STRN3: variants seen among roughly 807,000 people sequenced by gnomAD.
The protein encoded by STRN3 is striatin-3.
Under a neutral mutation model 95.6 loss-of-function variants are expected in STRN3, and 29 were observed. The observed-to-expected ratio is 0.30, with a 90% CI of 0.23 to 0.41. The LOEUF (loss-of-function observed/expected upper bound fraction) is 0.41. Among genes scored for constraint, STRN3 ranks in the 10% least tolerant of loss-of-function variants. The pLI is 1.00. For synonymous variants in STRN3, 331 were observed against 357.6 expected (o/e 0.93, Z 0.84); for missense variants, 890 against 972.1 (o/e 0.92, Z 1.12).
At chr14:30,946,203 C>T (rs1036043474) in intron 5 of STRN3, among the ~76,000 whole-genome samples, 1 of 152,154 alleles carries the variant, frequency 6.6e-6, no homozygotes. Flanking sequence ...AAATCAGTCT[C>T]AAATCTGATT....
At chr14:30,905,954 C>T (rs939051801) in intron 14 of STRN3, among the ~76,000 whole-genome samples, 1 of 152,184 alleles carries the variant, frequency 6.6e-6, no homozygotes, top group African/African-American at 2.4e-5. Flanking sequence ...GAGACTGGTT[C>T]ACCTATCAGA....
At chr14:30,953,276 CA>C (rs1879742261) in intron 3 of STRN3, among the ~76,000 whole-genome samples, 2 of 152,112 alleles carry the variant, frequency 1.3e-5, no homozygotes, top group Non-Finnish European at 2.9e-5. Flanking sequence ...TCAGCATCCC[CA>C]AAAGCCTTTC....
At chr14:30,938,668 C>A (rs1259103631) in intron 5 of STRN3, among the ~76,000 whole-genome samples, 1 of 151,474 alleles carries the variant, frequency 6.6e-6, no homozygotes, top group Non-Finnish European at 1.5e-5. Context: ...TGAAAGACAC[C>A]AAGAGAATGT....
At chr14:31,001,041 G>C (rs534177042) in intron 1 of STRN3, among the ~76,000 whole-genome samples, 8 of 152,326 alleles carry the variant, frequency 5.3e-5, no homozygotes, top group East Asian at 1.9e-4. Context: ...TGAGGCAGAG[G>C]GGGTAGGGCT....
At chr14:30,919,797 T>G (rs560743967) in intron 8 of STRN3, among the ~76,000 whole-genome samples, 1 of 152,288 alleles carries the variant, frequency 6.6e-6, no homozygotes, top group East Asian at 1.9e-4. Context: ...GGGAAGAATT[T>G]TGGCTGTTGC....
At position 30,913,790 on chromosome 14, in the gene STRN3, C is replaced by A; in HGVS notation, c.1241-133G>T. 7 of 1,120,530 alleles carry A rather than the reference C, an allele frequency of 6.2e-6. No homozygotes were observed. The South Asian group carries it at 9.9e-5, about 16-fold the overall frequency. The allele number at this position is 1,120,530 out of a possible 1,614,324, so 69.4% of individuals were successfully genotyped here. Reference sequence around the variant, plus strand: ...TAATTTTTATTTTCCCACTTCTACTCAAAAAATCCTGTTACTAAGCAGTGT... The same window carrying A: ...TAATTTTTATTTTCCCACTTCTACTAAAAAAATCCTGTTACTAAGCAGTGT... On this transcript the variant is annotated intron_variant, in intron 9 of 17. Transcript: ENST00000357479.
chr14:31,008,170 AAC>A (rs758474734), intron 1 of STRN3, among the ~76,000 whole-genome samples: 4 of 151,166 alleles, frequency 2.6e-5, no homozygotes, highest in Admixed American at 6.6e-5. Flanking sequence ...TAGCCTAGGC[AAC>A]AGAGTGAGAC....
intron 1 of STRN3, among the ~76,000 whole-genome samples, chr14:30,985,723 A>T (rs1881657134): frequency 6.6e-6 from 1 of 151,842 alleles, no homozygotes; most frequent in Non-Finnish European, 1.5e-5. Context: ...ATGATGATCC[A>T]TGTTTGACTT....
At chr14:31,021,938 CAG>C (rs1238146562) in intron 1 of STRN3, among the ~76,000 whole-genome samples, 1 of 152,068 alleles carries the variant, frequency 6.6e-6, no homozygotes, top group East Asian at 1.9e-4. Flanking sequence ...CAAAAAGAAA[CAG>C]GGAATCTGAC....
chr14:31,001,405 G>T (rs974540338), intron 1 of STRN3, among the ~76,000 whole-genome samples: 1 of 151,928 alleles, frequency 6.6e-6, no homozygotes, highest in African/African-American at 2.4e-5. Flanking sequence ...GCATGGTGAT[G>T]TGCGCCTGCA....
chr14:30,969,801 T>C (rs1880732854), intron 1 of STRN3, among the ~76,000 whole-genome samples: 1 of 152,160 alleles, frequency 6.6e-6, no homozygotes, highest in African/African-American at 2.4e-5. Context: ...AAAAGTCTTT[T>C]AGCACAGGTA....
intron 1 of STRN3, among the ~76,000 whole-genome samples, chr14:31,010,085 T>C (rs179715): frequency 0.67 from 102,462 of 152,056 alleles, 35,461 homozygotes; most frequent in Non-Finnish European, 0.76. Flanking sequence ...CAAGCCTGGG[T>C]GACGGTATGA....
intron 1 of STRN3, among the ~76,000 whole-genome samples, chr14:30,960,159 C>T (rs1365944642): frequency 6.6e-6 from 1 of 151,892 alleles, no homozygotes; most frequent in African/African-American, 2.4e-5. Context: ...CGTTCAAGAC[C>T]AGCCTGGGCA....
chr14:31,019,128 T>C (rs566635825), intron 1 of STRN3, among the ~76,000 whole-genome samples: 5 of 151,944 alleles, frequency 3.3e-5, no homozygotes, highest in East Asian at 1.9e-4. Flanking sequence ...CTAGACAACA[T>C]AGAAAGACCC....
rs778299035 is a variant in STRN3, at chr14:30,956,145, T to G, written c.380A>C (p.Gln127Pro). Residue 127 changes from glutamine to proline, a missense_variant, in exon 2 of 18, where the codon CAA becomes CCA. Physicochemically the swap from Gln to Pro is moderately conservative, Grantham distance 76. Transcript: ENST00000357479. ...RIKMLEYALK[Q>P]ERAKYHKLKY... ...CAAAATGAGGCACACATACCTTTCT[T>G]GTTTTAATGCATACTCTAACATCTT... The G allele has an allele frequency of 6.2e-7, 1 of 1,613,146 alleles. No homozygotes were observed. Among genetic ancestry groups the G allele is most frequent in the Non-Finnish European group, 8.5e-7 (1 of 1,179,334 alleles).
intron 1 of STRN3, among the ~76,000 whole-genome samples, chr14:30,962,701 A>G (rs916768583): frequency 6.6e-6 from 1 of 151,928 alleles, no homozygotes; most frequent in Non-Finnish European, 1.5e-5. Flanking sequence ...TGACTGGCTA[A>G]GTTTTCTATT....
Position 30,911,097 on chromosome 14 carries a change from G to A in STRN3, c.1664C>T (p.Ala555Val). The change falls in exon 13 of 18, where the codon GCA becomes GTA. Residue 555 changes from alanine to valine, a missense_variant. By Grantham distance (64) the Ala-to-Val change is moderately conservative. This residue lies in a region of STRN3 where 357 missense variants were observed against 422.8 expected (regional missense o/e 0.84). Coordinates refer to ENST00000357479, the MANE Select transcript of STRN3 (RefSeq NM_001083893.2). ...CGGCATATTCCACCACTGGATGGTT[G>A]CATCAATACCACCACTAAAACACTG... ...GEQCFSGGIDATIQWWNMPSP... is the reference protein window; with the variant it reads ...GEQCFSGGIDVTIQWWNMPSP... 1 of 1,614,080 alleles carries A rather than the reference G, an allele frequency of 6.2e-7. No homozygotes were observed. Among genetic ancestry groups the A allele is most frequent in the Non-Finnish European group, 8.5e-7 (1 of 1,179,986 alleles).
chr14:30,895,798 C>T (rs528992328), intron 16 of STRN3, 50 bp from the exon 17 acceptor site: 10 of 1,496,518 alleles, frequency 6.7e-6, no homozygotes, highest in Middle Eastern at 2.0e-4. Flanking sequence ...AATACTAACT[C>T]GAGACAACAG....
At chr14:30,966,554 G>A (rs1399179964) in intron 1 of STRN3, among the ~76,000 whole-genome samples, 2 of 152,154 alleles carry the variant, frequency 1.3e-5, no homozygotes, top group African/African-American at 4.8e-5. Context: ...CGCAGAGTGG[G>A]GGACTGGCCA....
Sources: allele counts gnomAD v4.1 joint callset (sites outside exome capture counted in the v4.1 genomes callset), GRCh38; gene constraint gnomAD v4.1.1; regional missense constraint gnomAD v4.1.1; transcripts MANE v1.5; gene names NCBI Gene and HGNC (gene_info 2026-07-23, HGNC 2026-07-21).